RPL18A: variants seen among roughly 807,000 people sequenced by gnomAD.
The protein encoded by RPL18A is large ribosomal subunit protein eL20.
For missense variants in RPL18A, 163 were observed against 254.1 expected, an observed-to-expected ratio of 0.64 and a Z score of 2.44; for synonymous variants, 122 against 96.9, an observed-to-expected ratio of 1.26 and a Z score of -1.52.
At chr19:17,860,881 C>G (rs995777744) in intron 1 of RPL18A, 19 of 203,588 alleles carry the variant, frequency 9.3e-5, no homozygotes, top group Non-Finnish European at 3.1e-5. Flanking sequence ...GCTGTGAGAT[C>G]CCATGCTGGT....
chr19:17,862,544 C>G (rs370396998), intron 3 of RPL18A: 183 of 699,350 alleles, frequency 2.6e-4, no homozygotes, highest in Middle Eastern at 1.8e-3. Context: ...GCACCTTTTC[C>G]CTGGCTCACC....
chr19:17,861,597 T>A (rs1470784930), intron 2 of RPL18A, 125 bp downstream of exon 2: 2 of 720,424 alleles, frequency 2.8e-6, no homozygotes, highest in African/African-American at 1.8e-5. Context: ...TCCCATCACA[T>A]CAGACATCAG....
intron 1 of RPL18A, 127 bp downstream of exon 1, chr19:17,860,101 G>A (rs1599893965): frequency 7.4e-6 from 6 of 811,074 alleles, no homozygotes; most frequent in Non-Finnish European, 1.1e-5. Context: ...GCCGCGCGCC[G>A]CCTTCTCTTG....
intron 2 of RPL18A, 174 bp from the exon 3 acceptor site, chr19:17,861,920 G>A (rs913420735): frequency 1.3e-5 from 9 of 706,178 alleles, no homozygotes; most frequent in Admixed American, 3.0e-5. Context: ...CTTACCTCAC[G>A]CTCCCTGAGG....
chr19:17,860,072 T>A, intron 1 of RPL18A, 98 bp downstream of exon 1: 1 of 1,153,154 alleles, frequency 8.7e-7, no homozygotes. Flanking sequence ...GCCGCGCGCT[T>A]CTGTTTGGGC....
rs141174722 is a variant in RPL18A at position 17,861,311 on chromosome 19, G to A, written c.37G>A (p.Val13Met). The A allele has an allele frequency of 6.6e-4, 1,070 of 1,613,720 alleles. No individual in the cohort carries two copies. Among genetic ancestry groups the A allele is most frequent in the Non-Finnish European group, 6.7e-4 (795 of 1,179,838 alleles). ...ASGTLREYKVVGRCLPTPKCH... is the reference protein window; with the variant it reads ...ASGTLREYKVMGRCLPTPKCH... ...CTTTCAGCTACGAGAGTACAAGGTA[G>A]TGGGTCGCTGCCTGCCCACCCCCAA... The change falls in exon 2 of 5, where the codon GTG becomes ATG. Residue 13 changes from valine to methionine, a missense_variant. Transcript: ENST00000222247.
chr19:17,859,913 G>A lies in RPL18A; in HGVS notation c.-44G>A, dbSNP rs747688946. On this transcript the variant is annotated 5_prime_UTR_variant, in exon 1 of 5. Coordinates refer to ENST00000222247, the MANE Select transcript of RPL18A (RefSeq NM_000980.4). ...GCCTGGTGAACGGCTGCGCGACAGAGGACACTTCCTTTTGCGGGTGGCGGC... is the reference window on the plus strand; with the variant it reads ...GCCTGGTGAACGGCTGCGCGACAGAAGACACTTCCTTTTGCGGGTGGCGGC... 2.3e-5 allele frequency: 36 copies of A among 1,542,270 alleles called. No individual in the cohort carries two copies. Among genetic ancestry groups the A allele is most frequent in the Middle Eastern group, 2.3e-4 (1 of 4,380 alleles).
Position 17,862,921 on chromosome 19 carries a change from G to T in RPL18A, c.332G>T (p.Arg111Leu). Residue 111 changes from arginine to leucine, a missense_variant, in exon 4 of 5, where the codon CGA (arginine) becomes CTA (leucine). Transcript: ENST00000222247. ...CTGGCCCCGCTCCTTTCCACAGACCGAGACATGGGTGCCCGGCACCGCGCC... is the reference window on the plus strand; with the variant it reads ...CTGGCCCCGCTCCTTTCCACAGACCTAGACATGGGTGCCCGGCACCGCGCC... ...TTAGAVTQCY[R>L]DMGARHRARA... 6.2e-7 allele frequency: 1 copy of T among 1,610,222 alleles called. No individual in the cohort carries two copies.
intron 2 of RPL18A, 150 bp from the exon 3 acceptor site, chr19:17,861,944 G>A (rs1481612368): frequency 1.2e-6 from 1 of 864,386 alleles, no homozygotes; most frequent in African/African-American, 1.7e-5. Context: ...CCTGAAGGTA[G>A]GTGGGGCTGG....
At position 17,861,344 on chromosome 19, in the gene RPL18A, A is replaced by C. The variant is rs1189369077; in HGVS notation, c.70A>C (p.Thr24Pro). 1 of 1,613,422 alleles carries C rather than the reference A, an allele frequency of 6.2e-7. No individual in the cohort carries two copies. Among genetic ancestry groups the C allele is most frequent in the African/African-American group, 1.3e-5 (1 of 74,878 alleles). Residue 24 changes from threonine to proline, a missense_variant, in exon 2 of 5, where the codon ACG (threonine) becomes CCG (proline). Physicochemically the swap from Thr to Pro is conservative, Grantham distance 38. Coordinates refer to ENST00000222247, the MANE Select transcript of RPL18A (RefSeq NM_000980.4). ...GRCLPTPKCH[T>P]PPLYRMRIFA... ...CTGCCTGCCCACCCCCAAATGCCAC[A>C]CGCCGCCCCTCTACCGCATGCGAAT...
intron 3 of RPL18A, 31 bp downstream of exon 3, chr19:17,862,254 A>G: frequency 6.2e-7 from 1 of 1,609,984 alleles, no homozygotes; most frequent in Non-Finnish European, 8.5e-7. Flanking sequence ...CCAGCTTTTT[A>G]GACCCTCCTT....
intron 4 of RPL18A, 69 bp downstream of exon 4, chr19:17,863,096 C>A: frequency 6.4e-7 from 1 of 1,550,402 alleles, no homozygotes; most frequent in Non-Finnish European, 8.9e-7. Flanking sequence ...TGGGGGGCGG[C>A]TACACCTTGG....
At chr19:17,860,343 C>T (rs1038365359) in intron 1 of RPL18A, 2 of 286,486 alleles carry the variant, frequency 7.0e-6, no homozygotes, top group Non-Finnish European at 6.5e-6. Context: ...TTCTTTCTGC[C>T]GGAATGGCTG....
chr19:17,863,073 C>G, intron 4 of RPL18A, 46 bp downstream of exon 4: 1 of 1,557,074 alleles, frequency 6.4e-7, no homozygotes, highest in Admixed American at 1.7e-5. Context: ...CCTGCTCTGA[C>G]GCAGGAGCCC....
chr19:17,861,044 C>T (rs898230044), intron 1 of RPL18A: 7 of 532,740 alleles, frequency 1.3e-5, no homozygotes, highest in Non-Finnish European at 2.3e-5. Flanking sequence ...AACCCTTAGC[C>T]CAGGCAAAGG....
intron 1 of RPL18A, chr19:17,860,832 G>A (rs1001941410): frequency 5.9e-6 from 1 of 170,714 alleles, no homozygotes; most frequent in African/African-American, 2.4e-5. Context: ...CAGGGCTGGG[G>A]AGAGACCTGA....
Position 17,863,228 on chromosome 19 carries a change from C to G in RPL18A, c.496C>G (p.Arg166Gly). ...HRVLRRQHKP[R>G]FTTKRPNTFF ...GGTCCTGCGCCGTCAGCACAAGCCA[C>G]GCTTCACCACCAAGAGGCCCAACAC... The change falls in exon 5 of 5, where the codon CGC becomes GGC. Residue 166 changes from arginine to glycine, a missense_variant. Arg to Gly is a moderately radical substitution (Grantham distance 125, BLOSUM62 -2). Coordinates refer to ENST00000222247, the MANE Select transcript of RPL18A (RefSeq NM_000980.4). 1.9e-6 allele frequency: 3 copies of G among 1,609,694 alleles called. No homozygotes were observed. Among genetic ancestry groups the G allele is most frequent in the Non-Finnish European group, 2.5e-6 (3 of 1,177,772 alleles).
At chr19:17,861,808 C>T (rs2094277923) in intron 2 of RPL18A, 1 of 542,276 alleles carries the variant, frequency 1.8e-6, no homozygotes, top group East Asian at 3.1e-5. Context: ...CTAGGTTGGC[C>T]CAGACAGGTT....
intron 1 of RPL18A, 181 bp from the exon 2 acceptor site, chr19:17,861,112 G>A: frequency 1.7e-6 from 1 of 599,722 alleles, no homozygotes; most frequent in South Asian, 2.0e-5. Flanking sequence ...AGTTCATTTT[G>A]TGTATAAAGT....
Sources: allele counts gnomAD v4.1 joint callset, GRCh38; gene constraint gnomAD v4.1.1; transcripts MANE v1.5; gene names NCBI Gene and HGNC (gene_info 2026-07-23, HGNC 2026-07-21).